Variants in NIBAN1 observed in about 807,000 individuals in gnomAD.
The protein encoded by NIBAN1 is niban apoptosis regulator 1, also known as protein Niban 1.
Under a neutral mutation model 75.1 loss-of-function variants are expected in NIBAN1, and 81 were observed. The observed-to-expected ratio is 1.08, with a 90% CI of 0.90 to 1.30. The LOEUF (loss-of-function observed/expected upper bound fraction) is 1.30, where lower values mean the gene tolerates loss of function less well. Among genes scored for constraint, NIBAN1 ranks in the 50% most tolerant of loss-of-function variants. The probability of loss-of-function intolerance (pLI) is 0.00; values close to 1 mark genes in which losing one functional copy is unlikely to be tolerated. For synonymous variants in NIBAN1, 436 were observed against 424.8 expected (o/e 1.03, Z -0.32); for missense variants, 1,133 against 1,128.1 (o/e 1.00, Z -0.06).
At chr1:184,820,095 G>T (rs1288398009) in intron 8 of NIBAN1, among the ~76,000 whole-genome samples, 1 of 152,158 alleles carries the variant, frequency 6.6e-6, no homozygotes, top group Non-Finnish European at 1.5e-5. Context: ...TCAATTGTAT[G>T]ATCCAAATAT....
rs2102290089 is a variant in NIBAN1, at chr1:184,872,624, T to C, written c.601+12009A>G. Among the ~76,000 whole-genome samples the C allele has an allele frequency of 2.0e-5, 3 of 152,124 alleles. No individual in the cohort carries two copies. The Middle Eastern group carries it at 0.01, about 517-fold the overall frequency. On this transcript the variant is annotated intron_variant, in intron 5 of 13. Coordinates refer to ENST00000367511, the MANE Select transcript of NIBAN1 (RefSeq NM_052966.4). ...TGGGAGGCTGAGACAGGAGAATCGCTTGAACCCAGGAGGTGGAGGTTGCAG... is the reference window on the plus strand; with the variant it reads ...TGGGAGGCTGAGACAGGAGAATCGCCTGAACCCAGGAGGTGGAGGTTGCAG...
At chr1:184,918,967 A>G (rs1657462119) in intron 1 of NIBAN1, among the ~76,000 whole-genome samples, 2 of 152,234 alleles carry the variant, frequency 1.3e-5, no homozygotes, top group Non-Finnish European at 2.9e-5. Context: ...TTGCCACACA[A>G]ATGGAACATT....
At chr1:184,901,023 T>C (rs1656940991) in intron 1 of NIBAN1, among the ~76,000 whole-genome samples, 1 of 152,190 alleles carries the variant, frequency 6.6e-6, no homozygotes, top group African/African-American at 2.4e-5. Flanking sequence ...TCTAACTACA[T>C]AGATTGAGGT....
chr1:184,826,020 A>G (rs534431662), intron 6 of NIBAN1, among the ~76,000 whole-genome samples: 1 of 152,212 alleles, frequency 6.6e-6, no homozygotes, highest in Non-Finnish European at 1.5e-5. Flanking sequence ...AGCTCATTTG[A>G]TCTTGCCTTT....
intron 5 of NIBAN1, among the ~76,000 whole-genome samples, chr1:184,841,557 A>G (rs12117964): frequency 0.4 from 61,398 of 152,136 alleles, 13,381 homozygotes; most frequent in Middle Eastern, 0.51. Context: ...CAGCCTTGGA[A>G]AGGAAAAACC....
At chr1:184,810,039 T>C (rs1022524959) in intron 9 of NIBAN1, among the ~76,000 whole-genome samples, 6 of 152,050 alleles carry the variant, frequency 3.9e-5, no homozygotes, top group Admixed American at 1.3e-4. Context: ...GGAGGTGGCA[T>C]TGGGGAAGGG....
At chr1:184,841,945 A>C (rs1655298019) in intron 5 of NIBAN1, among the ~76,000 whole-genome samples, 1 of 152,100 alleles carries the variant, frequency 6.6e-6, no homozygotes, top group Non-Finnish European at 1.5e-5. Flanking sequence ...AAGACTGTAA[A>C]CTCCAAAAGG....
Position 184,794,812 on chromosome 1 carries a change from G to C in NIBAN1, c.*165C>G. 1 of 827,762 alleles carries C rather than the reference G, an allele frequency of 1.2e-6. No homozygotes were observed. Among genetic ancestry groups the C allele is most frequent in the Non-Finnish European group, 2.0e-6 (1 of 511,362 alleles). 51.3% of individuals were successfully genotyped at this position (827,762 alleles called of 1,614,324 possible). On this transcript the variant is annotated 3_prime_UTR_variant, in exon 14 of 14. Coordinates refer to ENST00000367511, the MANE Select transcript of NIBAN1 (RefSeq NM_052966.4). ...CGTAGAACAATTCATGTCCACAAAGGTTTGCCTCAGTTGCTCATGCCCTGT... is the reference window on the plus strand; with the variant it reads ...CGTAGAACAATTCATGTCCACAAAGCTTTGCCTCAGTTGCTCATGCCCTGT...
In NIBAN1 at chr1:184,939,153, A is replaced by G. The variant is rs77554683; in HGVS notation, c.55+35149T>C. On this transcript the variant is annotated intron_variant, in intron 1 of 13. Transcript: ENST00000367511. ...CAAATGTACTAGAAGCTGCAGAATT[A>G]TAAAGAACACAGTTTGGTGCTGACA... Among the ~76,000 whole-genome samples, 1,000 of 152,364 alleles carry G rather than the reference A, an allele frequency of 6.6e-3. 5 individuals carry two copies. Among genetic ancestry groups the G allele is most frequent in the African/African-American group, 0.022 (913 of 41,588 alleles).
chr1:184,900,699 G>T (rs77868708), intron 1 of NIBAN1, among the ~76,000 whole-genome samples: 1 of 152,158 alleles, frequency 6.6e-6, no homozygotes, highest in Non-Finnish European at 1.5e-5. Context: ...AGAGGGGAAA[G>T]GGTGGGTGTA....
chr1:184,937,883 G>T (rs1251145678), intron 1 of NIBAN1, among the ~76,000 whole-genome samples: 1 of 152,230 alleles, frequency 6.6e-6, no homozygotes, highest in South Asian at 2.1e-4. Flanking sequence ...TAAAGCAGCT[G>T]ACCCACTGCA....
At chr1:184,943,619 A>C (rs1008367475) in intron 1 of NIBAN1, among the ~76,000 whole-genome samples, 1 of 152,160 alleles carries the variant, frequency 6.6e-6, no homozygotes. Flanking sequence ...GCAATGTAGC[A>C]AGTCATAGAC....
At chr1:184,834,727 TAA>T (rs1194748919) in intron 5 of NIBAN1, among the ~76,000 whole-genome samples, 1 of 152,234 alleles carries the variant, frequency 6.6e-6, no homozygotes, top group African/African-American at 2.4e-5. Flanking sequence ...TAAATTTATT[TAA>T]GTTCTTTGTA....
chr1:184,969,692 CTT>C (rs79772774), intron 1 of NIBAN1, among the ~76,000 whole-genome samples: 43 of 139,708 alleles, frequency 3.1e-4, no homozygotes, highest in Admixed American at 3.6e-4. Flanking sequence ...GAGTTTCTTT[CTT>C]TTTTTTTTTT....
intron 5 of NIBAN1, among the ~76,000 whole-genome samples, chr1:184,839,985 G>A (rs547605883): frequency 2.4e-4 from 37 of 152,194 alleles, no homozygotes; most frequent in African/African-American, 8.4e-4. Context: ...TCATAGATTA[G>A]AGATCACTTA....
At chr1:184,832,999 G>A (rs1331005276) in intron 5 of NIBAN1, among the ~76,000 whole-genome samples, 1 of 151,950 alleles carries the variant, frequency 6.6e-6, no homozygotes, top group Non-Finnish European at 1.5e-5. Context: ...GGAAATAAAA[G>A]GGCAAAGTGA....
At chr1:184,844,751 C>T (rs688292) in intron 5 of NIBAN1, among the ~76,000 whole-genome samples, 89,638 of 151,994 alleles carry the variant, frequency 0.59, 26,832 homozygotes, top group African/African-American at 0.68. Context: ...CTTCATTATT[C>T]GTAACCTTTT....
chr1:184,857,095 G>A (rs1174185198), intron 5 of NIBAN1, among the ~76,000 whole-genome samples: 1 of 152,176 alleles, frequency 6.6e-6, no homozygotes, highest in Non-Finnish European at 1.5e-5. Context: ...CCTAGAAAGA[G>A]TTCTTAATTT....
At chr1:184,800,272 G>C in intron 12 of NIBAN1, among the ~76,000 whole-genome samples, 6 of 148,374 alleles carry the variant, frequency 4.0e-5, no homozygotes, top group African/African-American at 1.2e-4. Flanking sequence ...TTAGCCCTTT[G>C]TCAGATGAGT....
Sources: allele counts gnomAD v4.1 joint callset (sites outside exome capture counted in the v4.1 genomes callset), GRCh38; gene constraint gnomAD v4.1.1; transcripts MANE v1.5; gene names NCBI Gene and HGNC (gene_info 2026-07-23, HGNC 2026-07-21).